Variants in RNF130 observed in about 807,000 individuals in gnomAD.
The protein encoded by RNF130 is ring finger protein 130, also known as E3 ubiquitin-protein ligase RNF130.
RNF130 carries 21 observed loss-of-function variants against 44.6 expected under a neutral mutation model. The ratio of observed to expected loss-of-function variants is 0.47; its 90% CI spans 0.33 to 0.68. RNF130 has a LOEUF of 0.68. RNF130 is among the 30% of genes least tolerant of loss of function. The pLI is 0.02. For synonymous variants in RNF130, 214 were observed against 210.4 expected (o/e 1.02, Z -0.15); for missense variants, 479 against 560.6 (o/e 0.85, Z 1.47).
At chr5:180,046,170 G>A (rs1023001808) in intron 1 of RNF130, among the ~76,000 whole-genome samples, 8 of 152,158 alleles carry the variant, frequency 5.3e-5, no homozygotes, top group East Asian at 1.9e-4. Context: ...CGCACCCTCC[G>A]CAGCTGCTGG....
chr5:180,001,314 G>T (rs149749329), intron 3 of RNF130, among the ~76,000 whole-genome samples: 8 of 152,268 alleles, frequency 5.3e-5, no homozygotes, highest in African/African-American at 1.9e-4. Context: ...CCCACAAGCA[G>T]CTGCAGCAGC....
intron 1 of RNF130, among the ~76,000 whole-genome samples, chr5:180,062,660 A>C (rs1765013405): frequency 6.6e-6 from 1 of 152,218 alleles, no homozygotes; most frequent in Admixed American, 6.5e-5. Flanking sequence ...AGTGTCTATA[A>C]ATACCTGAAC....
At chr5:180,001,631 C>T (rs1332027864) in intron 3 of RNF130, among the ~76,000 whole-genome samples, 1 of 152,116 alleles carries the variant, frequency 6.6e-6, no homozygotes, top group Non-Finnish European at 1.5e-5. Flanking sequence ...CAACTTAGGT[C>T]CCATGGAATG....
intron 1 of RNF130, among the ~76,000 whole-genome samples, chr5:180,062,282 G>A (rs918684316): frequency 7.3e-5 from 11 of 151,658 alleles, no homozygotes; most frequent in Non-Finnish European, 1.5e-4. Context: ...GGATGGTCTC[G>A]ATCTCCTGAC....
chr5:179,947,763 T>C (rs765054217), intron 7 of RNF130, among the ~76,000 whole-genome samples: 1 of 152,240 alleles, frequency 6.6e-6, no homozygotes, highest in African/African-American at 2.4e-5. Context: ...TATATGTGTG[T>C]ATATGTAAGT....
intron 3 of RNF130, among the ~76,000 whole-genome samples, chr5:180,008,434 A>G (rs1763512162): frequency 1.3e-5 from 2 of 152,148 alleles, no homozygotes; most frequent in Admixed American, 1.3e-4. Flanking sequence ...GCCACCCAAC[A>G]GCAGAATATT....
intron 1 of RNF130, among the ~76,000 whole-genome samples, chr5:180,050,382 T>C (rs550376550): frequency 1.3e-5 from 2 of 152,316 alleles, no homozygotes; most frequent in South Asian, 4.1e-4. Flanking sequence ...GTCACTTTTT[T>C]GTTCTATTCA....
At chr5:179,941,610 T>C (rs895800666) in intron 7 of RNF130, among the ~76,000 whole-genome samples, 16 of 152,246 alleles carry the variant, frequency 1.1e-4, no homozygotes, top group Non-Finnish European at 1.2e-4. Context: ...AACTGGCAGA[T>C]GCCACAAGAA....
At chr5:180,015,360 C>T (rs761986367) in intron 2 of RNF130, 1 of 533,586 alleles carries the variant, frequency 1.9e-6, no homozygotes, top group South Asian at 1.4e-5. Flanking sequence ...CGACATATGA[C>T]AATCAGTCTC....
chr5:179,979,531 T>C (rs906861406), intron 4 of RNF130, among the ~76,000 whole-genome samples: 3 of 152,094 alleles, frequency 2.0e-5, no homozygotes, highest in African/African-American at 7.2e-5. Context: ...CTAGATAACC[T>C]TGAATACTCT....
At chr5:179,936,102 G>A (rs1761888802) in intron 7 of RNF130, among the ~76,000 whole-genome samples, 1 of 152,090 alleles carries the variant, frequency 6.6e-6, no homozygotes, top group Non-Finnish European at 1.5e-5. Flanking sequence ...TCTGTTTGCT[G>A]GAAAATGTCT....
At chr5:179,963,714 G>C in intron 7 of RNF130, 150 bp from the exon 8 acceptor site, 1 of 648,066 alleles carries the variant, frequency 1.5e-6, no homozygotes, top group Admixed American at 2.2e-5. Context: ...GTTTGCCAGA[G>C]AGCTACTAAC....
intron 3 of RNF130, among the ~76,000 whole-genome samples, chr5:179,983,610 G>C (rs1039571027): frequency 1.3e-5 from 2 of 151,968 alleles, no homozygotes; most frequent in African/African-American, 4.8e-5. Flanking sequence ...ACATCCTTGT[G>C]GTTTTTCTTG....
At chr5:180,040,353 T>A in intron 2 of RNF130, 100 bp downstream of exon 2, 4 of 1,077,166 alleles carry the variant, frequency 3.7e-6, no homozygotes, top group Non-Finnish European at 5.4e-6. Flanking sequence ...AATAGGATTA[T>A]GTTGGAAATT....
At chr5:179,951,933 T>C (rs1361399548), downstream of RNF130, among the ~76,000 whole-genome samples, 1 of 152,096 alleles carries the variant, frequency 6.6e-6, no homozygotes, top group Non-Finnish European at 1.5e-5. Flanking sequence ...TTTATAGCTA[T>C]AAACAACTAC....
chr5:179,997,851 C>T (rs1763240233), intron 3 of RNF130, among the ~76,000 whole-genome samples: 1 of 151,674 alleles, frequency 6.6e-6, no homozygotes. Context: ...TTTGTTTTCA[C>T]TTGTTTTTTG....
At chr5:179,978,840 T>C (rs1326687787) in intron 4 of RNF130, among the ~76,000 whole-genome samples, 1 of 151,946 alleles carries the variant, frequency 6.6e-6, no homozygotes, top group African/African-American at 2.4e-5. Flanking sequence ...TCATTAAGAG[T>C]GAGAAAGAGT....
intron 2 of RNF130, among the ~76,000 whole-genome samples, chr5:180,017,655 G>C (rs1253989346): frequency 3.3e-5 from 5 of 152,074 alleles, no homozygotes; most frequent in Non-Finnish European, 5.9e-5. Flanking sequence ...TGGGTGGGCA[G>C]TTTTTCGGAA....
Position 179,977,232 on chromosome 5 carries a change from C to T in RNF130, c.848+971G>A, listed in dbSNP as rs891955677. 6.6e-6 allele frequency: 1 copy of T among 152,298 alleles called. No individual in the cohort carries two copies. Among genetic ancestry groups the T allele is most frequent in the Non-Finnish European group, 1.5e-5 (1 of 68,104 alleles). The allele number at this position is 152,298 out of a possible 1,614,324, so 9.4% of individuals were successfully genotyped here. ...TGAGTATAGTCTGCTCAGAGCAGAG[C>T]ATCTGAACCACAGCAGGCACAAAGC... On this transcript the variant is annotated intron_variant, in intron 5 of 8. Transcript: ENST00000521389. This position sits in a 1 kb window ranked among gnomAD's most constrained non-coding sequence, Gnocchi z 4.1.
Sources: gnomAD v4.1 joint callset for allele counts (sites outside exome capture counted in the v4.1 genomes callset) on GRCh38, gnomAD v4.1.1 for gene constraint, Gnocchi (gnomAD v3.1) non-coding constraint, MANE v1.5 for transcripts, NCBI Gene and HGNC (gene_info 2026-07-23, HGNC 2026-07-21) for gene names.